The following SCHIP1 variants were observed in gnomAD, a reference collection of about 807,000 sequenced individuals.
SCHIP1 encodes schwannomin-interacting protein 1.
Under a neutral mutation model 29.7 loss-of-function variants are expected in SCHIP1, and 8 were observed. The ratio of observed to expected loss-of-function variants is 0.27; its 90% CI spans 0.16 to 0.49. The LOEUF (loss-of-function observed/expected upper bound fraction) is 0.49. SCHIP1 is among the 20% of genes least tolerant of loss of function. The pLI, the probability that SCHIP1 is intolerant of heterozygous loss-of-function variation, is 0.99. For synonymous variants in SCHIP1, 76 were observed against 94.9 expected (o/e 0.80, Z 1.16); for missense variants, 193 against 294.6 (o/e 0.66, Z 2.52).
At chr3:159,489,424 G>A in the SCHIP1 span, among the ~76,000 whole-genome samples, 1 of 152,296 alleles carries the variant, frequency 6.6e-6, no homozygotes, top group South Asian at 2.1e-4. Flanking sequence ...AGTAATGCTT[G>A]TGATAAGGAG....
the SCHIP1 span, among the ~76,000 whole-genome samples, chr3:159,788,882 A>T: frequency 6.6e-6 from 1 of 152,198 alleles, no homozygotes; most frequent in East Asian, 1.9e-4. Flanking sequence ...ATCTGTAATT[A>T]AAAAATCTGA....
the SCHIP1 span, among the ~76,000 whole-genome samples, chr3:159,560,690 C>T: frequency 2.8e-4 from 42 of 151,866 alleles, no homozygotes; most frequent in African/African-American, 9.7e-4. Context: ...TCTCCCCCAT[C>T]ACTCTCAAGT....
chr3:159,704,900 CT>C, the SCHIP1 span, among the ~76,000 whole-genome samples: 1 of 62,510 alleles, frequency 1.6e-5, no homozygotes, highest in Admixed American at 1.9e-4. Context: ...TTCTTTCTTT[CT>C]TTCTTTATTT....
chr3:159,483,865 C>T, the SCHIP1 span, among the ~76,000 whole-genome samples: 1 of 152,236 alleles, frequency 6.6e-6, no homozygotes, highest in African/African-American at 2.4e-5. Flanking sequence ...ATTATTATTA[C>T]TGAGTACAGC....
the SCHIP1 span, among the ~76,000 whole-genome samples, chr3:159,335,374 G>A: frequency 6.6e-6 from 1 of 151,910 alleles, no homozygotes; most frequent in African/African-American, 2.4e-5. Flanking sequence ...TAAGTTTTAG[G>A]GTACATGTGC....
chr3:159,694,965 A>G, the SCHIP1 span, among the ~76,000 whole-genome samples: 1 of 152,180 alleles, frequency 6.6e-6, no homozygotes, highest in African/African-American at 2.4e-5. Flanking sequence ...GTTATTTAGA[A>G]GACTTGTCCC....
chr3:159,686,209 A>G, the SCHIP1 span, among the ~76,000 whole-genome samples: 40 of 152,370 alleles, frequency 2.6e-4, no homozygotes, highest in African/African-American at 6.3e-4. Context: ...GGCATAAGGA[A>G]AAGAAAAAGG....
At chr3:159,500,297 T>C in the SCHIP1 span, among the ~76,000 whole-genome samples, 4 of 152,198 alleles carry the variant, frequency 2.6e-5, no homozygotes, top group African/African-American at 9.6e-5. Flanking sequence ...GCATTTCAAA[T>C]TGTTCTTACC....
the SCHIP1 span, among the ~76,000 whole-genome samples, chr3:159,779,476 C>T: frequency 6.6e-6 from 1 of 150,596 alleles, no homozygotes; most frequent in South Asian, 2.1e-4. Context: ...GGAGACCAGC[C>T]TGGCCAACAT....
the SCHIP1 span, among the ~76,000 whole-genome samples, chr3:159,528,947 T>G: frequency 6.6e-6 from 1 of 152,218 alleles, no homozygotes; most frequent in Non-Finnish European, 1.5e-5. Flanking sequence ...AATGTATACA[T>G]TTGGGGTAGA....
chr3:159,759,919 A>G, the SCHIP1 span, among the ~76,000 whole-genome samples: 3 of 152,128 alleles, frequency 2.0e-5, no homozygotes, highest in African/African-American at 2.4e-5. Context: ...TCCTTTCTCA[A>G]ATGTTGCCTT....
chr3:159,413,362 T>A, the SCHIP1 span, among the ~76,000 whole-genome samples: 3 of 152,272 alleles, frequency 2.0e-5, no homozygotes, highest in African/African-American at 7.2e-5. Flanking sequence ...GATATTGATC[T>A]TTTTATAACT....
chr3:159,494,016 A>T, the SCHIP1 span, among the ~76,000 whole-genome samples: 1 of 152,210 alleles, frequency 6.6e-6, no homozygotes, highest in African/African-American at 2.4e-5. Flanking sequence ...GGTACATAAA[A>T]AAATGAAGGC....
chr3:159,780,192 T>C, the SCHIP1 span, among the ~76,000 whole-genome samples: 1 of 152,134 alleles, frequency 6.6e-6, no homozygotes, highest in Non-Finnish European at 1.5e-5. Context: ...TCTAGAGCAT[T>C]TGCAGCAAGG....
rs377600097 is a variant in SCHIP1 at position 159,851,622 on chromosome 3, G to A, written c.30+11408G>A. Among the ~76,000 whole-genome samples, 314 of 152,320 alleles carry A rather than the reference G, an allele frequency of 2.1e-3. 9 individuals are homozygous for A. In the South Asian group the frequency reaches 0.061, roughly 30 times the overall value. On this transcript the variant is annotated intron_variant, in intron 1 of 6. Transcript: ENST00000445224. ...TCATTTTAACTAACCTCCTTTGGCA[G>A]GATTTAACATACACAGGGTCCTTCA...
At chr3:159,691,582 C>T in the SCHIP1 span, among the ~76,000 whole-genome samples, 1 of 151,926 alleles carries the variant, frequency 6.6e-6, no homozygotes, top group African/African-American at 2.4e-5. Flanking sequence ...TTTAATTGGG[C>T]CATTTAGCCC....
the SCHIP1 span, among the ~76,000 whole-genome samples, chr3:159,758,125 A>G: frequency 2.6e-5 from 4 of 152,158 alleles, no homozygotes; most frequent in African/African-American, 9.7e-5. Context: ...ATGAAGCTCA[A>G]AAAGTAAGTT....
the SCHIP1 span, among the ~76,000 whole-genome samples, chr3:159,509,720 C>T: frequency 1.3e-5 from 2 of 152,324 alleles, no homozygotes; most frequent in African/African-American, 2.4e-5. Flanking sequence ...TTCTCCTTCA[C>T]TTGTGAAACT....
At chr3:159,713,328 A>C in the SCHIP1 span, among the ~76,000 whole-genome samples, 2 of 152,186 alleles carry the variant, frequency 1.3e-5, no homozygotes, top group African/African-American at 4.8e-5. Flanking sequence ...ATCTTTGAAC[A>C]GATTCAGCTT....
Sources: allele counts gnomAD v4.1 joint callset (sites outside exome capture counted in the v4.1 genomes callset), GRCh38; gene constraint gnomAD v4.1.1; transcripts MANE v1.5; gene names NCBI Gene and HGNC (gene_info 2026-07-23, HGNC 2026-07-21).